The following IGSF21 variants were observed in gnomAD, a reference collection of about 807,000 sequenced individuals.
IGSF21 encodes immunoglobin superfamily member 21.
Under a neutral mutation model 46.8 loss-of-function variants are expected in IGSF21, and 28 were observed. The observed-to-expected ratio is 0.60, with a 90% CI of 0.44 to 0.82. The LOEUF (loss-of-function observed/expected upper bound fraction) is 0.82. Among genes scored for constraint, IGSF21 ranks in the 40% least tolerant of loss-of-function variants. IGSF21 has a pLI of 0.00. For missense variants in IGSF21, 624 were observed against 665.5 expected (o/e 0.94, Z 0.69); for synonymous variants, 284 against 273.6 (o/e 1.04, Z -0.38).
intron 4 of IGSF21, among the ~76,000 whole-genome samples, chr1:18,357,225 T>A (rs2086028834): frequency 8.0e-6 from 1 of 125,628 alleles, no homozygotes; most frequent in South Asian, 2.7e-4. Flanking sequence ...GGGGTAGATA[T>A]GGGTTTGGAG....
chr1:18,356,838 G>A (rs2086023513), intron 4 of IGSF21, among the ~76,000 whole-genome samples: 1 of 152,226 alleles, frequency 6.6e-6, no homozygotes, highest in South Asian at 2.1e-4. Context: ...AGTGGTGATA[G>A]GAATGGAGGT....
At chr1:18,277,576 G>C (rs548517126) in intron 2 of IGSF21, among the ~76,000 whole-genome samples, 1 of 152,308 alleles carries the variant, frequency 6.6e-6, no homozygotes, top group African/African-American at 2.4e-5. Flanking sequence ...ACTTGTGCAA[G>C]AATGTTCTTA....
chr1:18,273,429 CCTTTCTTTCTTTCTCA>C (rs1171629033), intron 2 of IGSF21, among the ~76,000 whole-genome samples: 12 of 134,648 alleles, frequency 8.9e-5, no homozygotes, highest in African/African-American at 3.5e-4. Flanking sequence ...CCTTTCCTTT[CCTTTCTTTCTTTCTCA>C]CTTTCTTTCT....
intron 1 of IGSF21, among the ~76,000 whole-genome samples, chr1:18,150,339 C>T (rs551908056): frequency 1.3e-5 from 2 of 152,284 alleles, no homozygotes; most frequent in East Asian, 3.9e-4. Context: ...GGGGATAGCA[C>T]CTTCCTTACG....
chr1:18,211,612 C>A (rs1332105334), intron 1 of IGSF21, among the ~76,000 whole-genome samples: 2 of 152,158 alleles, frequency 1.3e-5, no homozygotes, highest in Non-Finnish European at 2.9e-5. Flanking sequence ...TGCTAAAGGA[C>A]TTCTGTGTTT....
chr1:18,128,083 T>C (rs1474016684), intron 1 of IGSF21, among the ~76,000 whole-genome samples: 1 of 152,248 alleles, frequency 6.6e-6, no homozygotes, highest in Non-Finnish European at 1.5e-5. Context: ...TGTTAGCTAA[T>C]ACTAATGGAT....
chr1:18,187,005 G>A (rs1375571627), intron 1 of IGSF21, among the ~76,000 whole-genome samples: 7 of 152,130 alleles, frequency 4.6e-5, no homozygotes, highest in Non-Finnish European at 7.4e-5. Flanking sequence ...CCTCTCCTGG[G>A]GGAGTGGTAC....
intron 1 of IGSF21, among the ~76,000 whole-genome samples, chr1:18,196,803 C>T (rs1164850770): frequency 6.6e-6 from 1 of 152,134 alleles, no homozygotes. Context: ...CCTCTCAAGC[C>T]CAGGCCTCTG....
chr1:18,336,331 C>G (rs577987787), intron 4 of IGSF21, among the ~76,000 whole-genome samples: 1 of 152,186 alleles, frequency 6.6e-6, no homozygotes, highest in Admixed American at 6.5e-5. Context: ...TCAGGGAAGG[C>G]CCCTCTGCAG....
chr1:18,185,347 A>T (rs2086893776), intron 1 of IGSF21, among the ~76,000 whole-genome samples: 1 of 152,170 alleles, frequency 6.6e-6, no homozygotes, highest in African/African-American at 2.4e-5. Context: ...ATTACCTTCT[A>T]GGAAATATCC....
chr1:18,273,415 T>TTTCC (rs2085064782), intron 2 of IGSF21, among the ~76,000 whole-genome samples: 14 of 85,010 alleles, frequency 1.6e-4, no homozygotes, highest in Admixed American at 5.7e-4. Flanking sequence ...CTTTCCTTTC[T>TTTCC]TTTCCTTTCC....
intron 3 of IGSF21, among the ~76,000 whole-genome samples, chr1:18,323,014 G>A (rs935377672): frequency 2.3e-4 from 35 of 152,130 alleles, no homozygotes; most frequent in Admixed American, 1.8e-3. Flanking sequence ...AGGAAAGAGC[G>A]GTCGGGACCA....
At chr1:18,376,054 C>T (rs947437511) in intron 6 of IGSF21, 26 of 406,270 alleles carry the variant, frequency 6.4e-5, no homozygotes, top group South Asian at 5.7e-4. Flanking sequence ...TGTGAACCCC[C>T]CAAGAGCAGG....
intron 3 of IGSF21, among the ~76,000 whole-genome samples, chr1:18,321,854 T>G (rs1336233078): frequency 1.3e-5 from 2 of 152,088 alleles, no homozygotes; most frequent in African/African-American, 4.8e-5. Context: ...GCTTTGACAC[T>G]CTCTGGTTGA....
chr1:18,374,646 T>C (rs1340881470), intron 6 of IGSF21, among the ~76,000 whole-genome samples: 1 of 152,180 alleles, frequency 6.6e-6, no homozygotes, highest in African/African-American at 2.4e-5. Context: ...CCATGTGGCA[T>C]TTCAGATGTC....
rs777272836 is a variant in IGSF21, at chr1:18,209,964, G to C, written c.71-17934G>C. ...AATGATCTTCTGTTCACCCCACCCC[G>C]GCCCACTTGCTCCTCACCCAACCCC... On this transcript the variant is annotated intron_variant, in intron 1 of 9. Transcript: ENST00000251296. Among the ~76,000 whole-genome samples the C allele has an allele frequency of 7.9e-5, 12 of 151,664 alleles. 1 individual carries two copies. The highest frequency in any genetic ancestry group is 2.9e-4 in the African/African-American group (12 of 41,360).
At chr1:18,203,359 A>G (rs571460076) in intron 1 of IGSF21, among the ~76,000 whole-genome samples, 11 of 152,272 alleles carry the variant, frequency 7.2e-5, no homozygotes, top group Middle Eastern at 3.4e-3. Context: ...CCAAGGCTGG[A>G]GTGCAGTGGC....
intron 6 of IGSF21, among the ~76,000 whole-genome samples, chr1:18,368,844 A>G (rs532783622): frequency 2.4e-4 from 37 of 152,338 alleles, no homozygotes; most frequent in Middle Eastern, 3.4e-3. Flanking sequence ...GGCCAGATAC[A>G]GACTTCAAGG....
rs566214917 is a variant in IGSF21, at chr1:18,315,287, G to A, written c.306-19605G>A. On this transcript the variant is annotated intron_variant, in intron 3 of 9. Coordinates refer to ENST00000251296, the MANE Select transcript of IGSF21 (RefSeq NM_032880.5). ...CCTTCCTAGGTCAGCTTTTCCTGAC[G>A]TTCTAGTATAGCCTGGTCAGATCTT... is the stretch of plus-strand genomic sequence containing the variant. Among the ~76,000 whole-genome samples, 7 of 152,190 alleles carry A rather than the reference G, an allele frequency of 4.6e-5. No individual in the cohort carries two copies. In the South Asian group the frequency reaches 1.0e-3, roughly 23 times the overall value.
Sources: allele counts gnomAD v4.1 joint callset (sites outside exome capture counted in the v4.1 genomes callset), GRCh38; gene constraint gnomAD v4.1.1; transcripts MANE v1.5; gene names NCBI Gene and HGNC (gene_info 2026-07-23, HGNC 2026-07-21).